FAM118B: variants seen among roughly 807,000 people sequenced by gnomAD.
The protein encoded by FAM118B is protein FAM118B.
A neutral mutation model predicts 38.5 loss-of-function variants in FAM118B; 24 were observed. The observed-to-expected ratio is 0.62, with a 90% confidence interval of 0.45 to 0.88. FAM118B has a LOEUF of 0.88. FAM118B is among the 40% of genes least tolerant of loss of function. FAM118B has a pLI of 0.00. For synonymous variants in FAM118B, 138 were observed against 156.3 expected, an observed-to-expected ratio of 0.88 and a Z score of 0.87; for missense variants, 334 against 420.0, an observed-to-expected ratio of 0.80 and a Z score of 1.79.
At chr11:126,241,203 C>CT in intron 4 of FAM118B, 159 bp downstream of exon 4, 1 of 701,658 alleles carries the variant, frequency 1.4e-6, no homozygotes, top group African/African-American at 1.8e-5. Flanking sequence ...TGCGCAATGT[C>CT]TGTTTATGGA....
Position 126,261,466 on chromosome 11 carries a change from GCA to G in FAM118B, c.1029_1030del (p.His343GlnfsTer2). 6.2e-7 allele frequency: 1 copy of G among 1,613,666 alleles called. No individual in the cohort carries two copies. The highest frequency in any genetic ancestry group is 8.5e-7 in the Non-Finnish European group (1 of 1,179,584). On this transcript the variant is annotated frameshift_variant, in exon 8 of 9. Coordinates refer to ENST00000533050, the MANE Select transcript of FAM118B (RefSeq NM_024556.4). LOFTEE classifies it high-confidence loss of function. ...REGQLNGSSA[A>X]HSEIRGCST ...AGGTCAGCTAAATGGCTCATCTGCA[GCA>G]CACAGTGAAATAAGAGGTATACTGT...
intron 4 of FAM118B, among the ~76,000 whole-genome samples, chr11:126,242,702 C>T (rs753414823): frequency 1.2e-4 from 18 of 152,182 alleles, no homozygotes; most frequent in Non-Finnish European, 2.2e-4. Flanking sequence ...TTCACACCCG[C>T]TGGCATGACT....
Position 126,262,224 on chromosome 11 carries a change from A to G in FAM118B, c.*91A>G. 12 of 1,409,738 alleles carry G rather than the reference A, an allele frequency of 8.5e-6. No individual in the cohort carries two copies. The highest frequency in any genetic ancestry group is 1.1e-5 in the Non-Finnish European group (11 of 999,720). 87.3% of individuals were successfully genotyped at this position (1,409,738 alleles called of 1,614,324 possible). A position where few individuals can be genotyped will look rare whatever the true frequency, so the allele number is the denominator to read the frequency against. On this transcript the variant is annotated 3_prime_UTR_variant, in exon 9 of 9. Coordinates refer to ENST00000533050, the MANE Select transcript of FAM118B (RefSeq NM_024556.4). ...AAGTAAACTTACAAGAACCCAACACAATTCCCAGAAAGTAACAATAGCCAG... is the reference window on the plus strand; with the variant it reads ...AAGTAAACTTACAAGAACCCAACACGATTCCCAGAAAGTAACAATAGCCAG...
chr11:126,258,040 G>A (rs182995962), intron 7 of FAM118B, among the ~76,000 whole-genome samples: 1 of 152,264 alleles, frequency 6.6e-6, no homozygotes, highest in Admixed American at 6.5e-5. Flanking sequence ...AAAAAACTTG[G>A]CTGTTGTGCA....
intron 3 of FAM118B, among the ~76,000 whole-genome samples, chr11:126,236,454 C>T (rs1950275401): frequency 6.6e-6 from 1 of 152,004 alleles, no homozygotes; most frequent in African/African-American, 2.4e-5. Context: ...GACCTCTTTC[C>T]CTGTTTTTTG....
chr11:126,214,520 T>TTTTTTTTTTTTTTTTTTTTTTC (rs1565322499), intron 1 of FAM118B: 1 of 131,904 alleles, frequency 7.6e-6, no homozygotes, highest in Admixed American at 7.6e-5. Flanking sequence ...TTTTGTTTTT[T>TTTTTTTTTTTTTTTTTTTTTTC]TTTTTTTACC....
chr11:126,231,452 T>C (rs893830560), intron 2 of FAM118B, among the ~76,000 whole-genome samples: 1 of 152,204 alleles, frequency 6.6e-6, no homozygotes, highest in Non-Finnish European at 1.5e-5. Context: ...GAATAAAATA[T>C]GGTTTGTGCT....
chr11:126,246,007 A>AAAAG (rs1255706191), intron 4 of FAM118B, among the ~76,000 whole-genome samples: 114 of 151,898 alleles, frequency 7.5e-4, no homozygotes, highest in Non-Finnish European at 1.3e-3. Context: ...AAAAAAAAAA[A>AAAAG]AAAGAAAGAA....
intron 1 of FAM118B, among the ~76,000 whole-genome samples, chr11:126,228,200 T>A (rs1242735226): frequency 6.6e-6 from 1 of 152,076 alleles, no homozygotes. Context: ...ACATTTTTTT[T>A]TTTGGTTTTG....
intron 2 of FAM118B, among the ~76,000 whole-genome samples, chr11:126,232,864 G>T (rs1950226859): frequency 6.6e-6 from 1 of 152,042 alleles, no homozygotes; most frequent in Non-Finnish European, 1.5e-5. Flanking sequence ...TCGGAAGTGA[G>T]TCACATAAGT....
At chr11:126,219,027 AAT>A (rs1276035351) in intron 1 of FAM118B, among the ~76,000 whole-genome samples, 1 of 152,200 alleles carries the variant, frequency 6.6e-6, no homozygotes, top group Non-Finnish European at 1.5e-5. Context: ...GCATTAGTTA[AAT>A]AGACTTTATG....
chr11:126,230,162 G>A (rs1457423875), intron 2 of FAM118B, among the ~76,000 whole-genome samples: 2 of 152,196 alleles, frequency 1.3e-5, no homozygotes, highest in East Asian at 3.8e-4. Context: ...TGAGATAGAG[G>A]AAACCGTGAG....
At chr11:126,223,831 A>G (rs1417720707) in intron 1 of FAM118B, among the ~76,000 whole-genome samples, 3 of 152,178 alleles carry the variant, frequency 2.0e-5, no homozygotes, top group East Asian at 1.9e-4. Context: ...GTGCCAGACA[A>G]TGGTCTTGGA....
chr11:126,236,274 G>C (rs1950273580), intron 3 of FAM118B, among the ~76,000 whole-genome samples: 1 of 152,154 alleles, frequency 6.6e-6, no homozygotes, highest in African/African-American at 2.4e-5. Context: ...GGACCCATAG[G>C]AGAAAATTAT....
intron 2 of FAM118B, among the ~76,000 whole-genome samples, chr11:126,230,167 C>T (rs993782980): frequency 3.3e-5 from 5 of 152,284 alleles, no homozygotes; most frequent in Middle Eastern, 3.4e-3. Flanking sequence ...TAGAGGAAAC[C>T]GTGAGTTTGC....
At chr11:126,223,470 C>G (rs978222486) in intron 1 of FAM118B, among the ~76,000 whole-genome samples, 3 of 151,640 alleles carry the variant, frequency 2.0e-5, no homozygotes, top group Non-Finnish European at 4.4e-5. Flanking sequence ...TGGTGGCGGG[C>G]GCCTGTAGTC....
chr11:126,261,677 A>C lies in FAM118B; in HGVS notation c.1042+193A>C, dbSNP rs572678998. 3.9e-5 allele frequency among the ~76,000 whole-genome samples: 6 copies of C among 152,324 alleles called. No homozygotes were observed. In the East Asian group the frequency reaches 1.2e-3, roughly 29 times the overall value. ...TATCAAGTCTATTACAATCTAGTGC[A>C]GTGATCAGTTAATTTTTTGAAAAAA... On this transcript the variant is annotated intron_variant, in intron 8 of 8. Transcript: ENST00000533050.
chr11:126,232,800 G>T (rs957231389), intron 2 of FAM118B, among the ~76,000 whole-genome samples: 4 of 151,260 alleles, frequency 2.6e-5, no homozygotes, highest in Non-Finnish European at 5.9e-5. Context: ...GTGTGTGGAA[G>T]AAGTAAACAC....
At chr11:126,261,352 CTTTAG>C (rs1401432546) in intron 7 of FAM118B, 68 bp from the exon 8 acceptor site, 17 of 1,254,294 alleles carry the variant, frequency 1.4e-5, no homozygotes, top group Non-Finnish European at 2.0e-5. Flanking sequence ...CCTCATCTCC[CTTTAG>C]TTTTCTTTTT....
Sources: gnomAD v4.1 joint callset for allele counts (sites outside exome capture counted in the v4.1 genomes callset) on GRCh38, gnomAD v4.1.1 for gene constraint, MANE v1.5 for transcripts, NCBI Gene and HGNC (gene_info 2026-07-23, HGNC 2026-07-21) for gene names.